The following TMEM123 variants were observed in gnomAD, a reference collection of about 807,000 sequenced individuals.
TMEM123 encodes transmembrane protein 123.
Under a neutral mutation model 19.7 loss-of-function variants are expected in TMEM123, and 16 were observed. The observed-to-expected ratio is 0.81, with a 90% CI of 0.55 to 1.23. The LOEUF (loss-of-function observed/expected upper bound fraction) is 1.23. TMEM123 is among the 50% of genes most tolerant of loss of function. The pLI, the probability that TMEM123 is intolerant of heterozygous loss-of-function variation, is 0.00. For missense variants in TMEM123, 313 were observed against 257.8 expected (o/e 1.21, Z -1.47); for synonymous variants, 118 against 99.4 (o/e 1.19, Z -1.12).
intron 2 of TMEM123, among the ~76,000 whole-genome samples, chr11:102,405,923 A>G (rs1016207267): frequency 6.6e-6 from 1 of 152,260 alleles, no homozygotes; most frequent in Non-Finnish European, 1.5e-5. Flanking sequence ...GCTTTTAAGC[A>G]TAAATGAAAT....
chr11:102,398,723 T>G lies in TMEM123; in HGVS notation c.*144A>C. The G allele has an allele frequency of 1.3e-6, 1 of 773,054 alleles. No homozygotes were observed. Among genetic ancestry groups the G allele is most frequent in the Non-Finnish European group, 2.0e-6 (1 of 488,026 alleles). 47.9% of individuals were successfully genotyped at this position (773,054 alleles called of 1,614,324 possible). On this transcript the variant is annotated 3_prime_UTR_variant, in exon 5 of 5. Transcript: ENST00000398136. Reference sequence around the variant, plus strand: ...CTTGTTACCTTGAAGAATCTTTACATATTTACGTAATACACTGTACATTAT... The same window carrying G: ...CTTGTTACCTTGAAGAATCTTTACAGATTTACGTAATACACTGTACATTAT...
chr11:102,430,643 C>A (rs1857689490), intron 2 of TMEM123, among the ~76,000 whole-genome samples: 2 of 152,172 alleles, frequency 1.3e-5, no homozygotes, highest in African/African-American at 2.4e-5. Context: ...AAGGAGGAAC[C>A]AAAAAGGTAA....
At chr11:102,435,594 T>C (rs1207014120) in intron 2 of TMEM123, among the ~76,000 whole-genome samples, 4 of 151,792 alleles carry the variant, frequency 2.6e-5, no homozygotes, top group African/African-American at 7.3e-5. Flanking sequence ...CCAGTAAAAA[T>C]GAAAATATAT....
rs113280432 is a variant in TMEM123 at position 102,452,371 on chromosome 11, T to G, written c.100+153A>C. 1,891 of 573,634 alleles carry G rather than the reference T, an allele frequency of 3.3e-3. 29 individuals carry two copies. The highest frequency in any genetic ancestry group is 0.032 in the African/African-American group (1,631 of 51,618). The allele number at this position is 573,634 out of a possible 1,614,324, so 35.5% of individuals were successfully genotyped here. A position where few individuals can be genotyped will look rare whatever the true frequency, so the allele number is the denominator to read the frequency against. On this transcript the variant is annotated intron_variant, in intron 1 of 4. Coordinates refer to ENST00000398136, the MANE Select transcript of TMEM123 (RefSeq NM_052932.3). ...GCGGGTGACTGGTCCAAACCTCAGT[T>G]TCCCCCACCCCGCCCGGTCACCTCT...
intron 4 of TMEM123, among the ~76,000 whole-genome samples, chr11:102,400,827 A>T (rs80146120): frequency 6.6e-6 from 1 of 152,216 alleles, no homozygotes; most frequent in African/African-American, 2.4e-5. Context: ...GTGAGAACTA[A>T]ATGTCTGCTG....
Position 102,448,765 on chromosome 11 carries a change from T to C in TMEM123, c.157+47A>G, listed in dbSNP as rs1163292852. On this transcript the variant is annotated intron_variant, in intron 2 of 4. Transcript: ENST00000398136. ...CTTCCCTGGCTGTTATTACTTCATG[T>C]ACCCTAGACAAATGAAAATTTGTTT... The C allele has an allele frequency of 1.9e-6, 3 of 1,577,890 alleles. No homozygotes were observed. In the South Asian group the frequency reaches 3.3e-5, roughly 17 times the overall value.
intron 2 of TMEM123, among the ~76,000 whole-genome samples, chr11:102,411,537 C>CA (rs1952004660): frequency 6.6e-6 from 1 of 152,102 alleles, no homozygotes; most frequent in African/African-American, 2.4e-5. Flanking sequence ...GCTGAACGTG[C>CA]AATTAGCATC....
intron 1 of TMEM123, 104 bp downstream of exon 1, chr11:102,452,419 CA>C: frequency 9.8e-7 from 1 of 1,019,632 alleles, no homozygotes; most frequent in Non-Finnish European, 1.3e-6. Flanking sequence ...AGCGTTCGGC[CA>C]GACACACGCG....
chr11:102,399,658 T>C (rs1565345846), intron 4 of TMEM123, among the ~76,000 whole-genome samples: 1 of 152,198 alleles, frequency 6.6e-6, no homozygotes, highest in Non-Finnish European at 1.5e-5. Context: ...AACGTAACTT[T>C]AAATATAACT....
chr11:102,450,817 A>C (rs151306030), intron 1 of TMEM123, among the ~76,000 whole-genome samples: 198 of 152,340 alleles, frequency 1.3e-3, no homozygotes, highest in African/African-American at 4.4e-3. Flanking sequence ...GGATGCACAG[A>C]ATATGTACCC....
In TMEM123 at chr11:102,447,684, T is replaced by A. The variant is rs368739488; in HGVS notation, c.157+1128A>T. ...CTAAGACCCTCTCACAACTACCCAA[T>A]GATAACCACTATTACATTTTGGAGT... On this transcript the variant is annotated intron_variant, in intron 2 of 4. Transcript: ENST00000398136. Among the ~76,000 whole-genome samples, 30 of 152,344 alleles carry A rather than the reference T, an allele frequency of 2.0e-4. 1 individual carries two copies. The South Asian group carries it at 6.0e-3, about 30-fold the overall frequency.
intron 2 of TMEM123, among the ~76,000 whole-genome samples, chr11:102,414,831 C>G (rs1184846036): frequency 6.6e-6 from 1 of 152,156 alleles, no homozygotes; most frequent in Non-Finnish European, 1.5e-5. Flanking sequence ...GTAACAGGAT[C>G]ACATCCACAC....
In TMEM123 at chr11:102,426,280, A is replaced by G. The variant is rs193285893; in HGVS notation, c.157+22532T>C. Among the ~76,000 whole-genome samples the G allele has an allele frequency of 2.1e-3, 324 of 152,282 alleles. 2 individuals are homozygous for G. The highest frequency in any genetic ancestry group is 3.0e-3 in the Non-Finnish European group (207 of 68,012). On this transcript the variant is annotated intron_variant, in intron 2 of 4. Coordinates refer to ENST00000398136, the MANE Select transcript of TMEM123 (RefSeq NM_052932.3). ...TGTGTTTAGATCGTTCTTAACAATAATAACAGTTAACACATCCATAGCACT... is the reference window on the plus strand; with the variant it reads ...TGTGTTTAGATCGTTCTTAACAATAGTAACAGTTAACACATCCATAGCACT...
chr11:102,408,686 A>G (rs959762731), intron 2 of TMEM123, among the ~76,000 whole-genome samples: 1 of 152,234 alleles, frequency 6.6e-6, no homozygotes, highest in African/African-American at 2.4e-5. Flanking sequence ...GCACTGTACA[A>G]TTCCCTATGG....
intron 2 of TMEM123, among the ~76,000 whole-genome samples, chr11:102,418,624 A>G (rs901855557): frequency 2.6e-5 from 4 of 152,244 alleles, no homozygotes; most frequent in African/African-American, 9.6e-5. Flanking sequence ...AGAACTTACA[A>G]TAGAACTACC....
intron 2 of TMEM123, among the ~76,000 whole-genome samples, chr11:102,430,405 T>C (rs1857684876): frequency 6.6e-6 from 1 of 152,168 alleles, no homozygotes; most frequent in Admixed American, 6.5e-5. Context: ...CAGAGTGAGA[T>C]GAAGCATCAC....
chr11:102,452,458 G>T lies in TMEM123; in HGVS notation c.100+66C>A. On this transcript the variant is annotated intron_variant, in intron 1 of 4. Coordinates refer to ENST00000398136, the MANE Select transcript of TMEM123 (RefSeq NM_052932.3). Reference sequence around the variant, plus strand: ...ACTTTCTGTACCAGAGCCCAACTTGGGAACCCAAGCCTCGGCAGCGCGCTG... The same window carrying T: ...ACTTTCTGTACCAGAGCCCAACTTGTGAACCCAAGCCTCGGCAGCGCGCTG... The T allele has an allele frequency of 3.0e-6, 4 of 1,323,172 alleles. No homozygotes were observed. In the South Asian group the frequency reaches 6.3e-5, roughly 21 times the overall value. The allele number at this position is 1,323,172 out of a possible 1,614,324, so 82.0% of individuals were successfully genotyped here.
chr11:102,406,185 A>G (rs1951954306), intron 2 of TMEM123, among the ~76,000 whole-genome samples: 1 of 152,200 alleles, frequency 6.6e-6, no homozygotes. Context: ...TTAGCCACTC[A>G]GTCTCCTCCA....
chr11:102,439,640 TCTC>T (rs1857802942), intron 2 of TMEM123, among the ~76,000 whole-genome samples: 1 of 152,098 alleles, frequency 6.6e-6, no homozygotes, highest in Admixed American at 6.5e-5. Context: ...GAGCGCCTCT[TCTC>T]CTCCAAAGGA....
Sources: allele counts gnomAD v4.1 joint callset (sites outside exome capture counted in the v4.1 genomes callset), GRCh38; gene constraint gnomAD v4.1.1; transcripts MANE v1.5; gene names NCBI Gene and HGNC (gene_info 2026-07-23, HGNC 2026-07-21).